SFT2D2: variants seen among roughly 807,000 people sequenced by gnomAD.
SFT2D2 encodes the protein SFT2 domain containing 2, also known as vesicle transport protein SFT2B.
A neutral mutation model predicts 27.4 loss-of-function variants in SFT2D2; 21 were observed. That is an observed-to-expected ratio of 0.77 (90% CI 0.54 to 1.10). The LOEUF (loss-of-function observed/expected upper bound fraction) is 1.10, where lower values mean the gene tolerates loss of function less well. Among genes scored for constraint, SFT2D2 ranks in the 50% least tolerant of loss-of-function variants. SFT2D2 has a pLI of 0.00. For synonymous variants in SFT2D2, 72 were observed against 71.7 expected (o/e 1.00, Z -0.02); for missense variants, 187 against 194.2 (o/e 0.96, Z 0.22).
chr1:168,239,004 A>G, intron 6 of SFT2D2, 127 bp from the exon 7 acceptor site: 1 of 736,770 alleles, frequency 1.4e-6, no homozygotes, highest in East Asian at 2.5e-5. Flanking sequence ...CTCATCCCCC[A>G]GGCTGAGTAT....
At position 168,231,911 on chromosome 1, in the gene SFT2D2, A is replaced by G; in HGVS notation, c.228A>G (p.Ser76=). 2 of 1,614,034 alleles carry G rather than the reference A, an allele frequency of 1.2e-6. No individual in the cohort carries two copies. The highest frequency in any genetic ancestry group is 2.7e-5 in the African/African-American group (2 of 75,014). Residue 76 remains serine (S), a synonymous_variant, in exon 3 of 8, where the codon TCA becomes TCG. Transcript: ENST00000271375. Reference sequence around the variant, plus strand: ...TTTATACCTTTGGTAATATCGCATCAATTGGGAGGTAACTGTTTTTTAAAA... The same window carrying G: ...TTTATACCTTTGGTAATATCGCATCGATTGGGAGGTAACTGTTTTTTAAAA... ...AVFYTFGNIA[S]IGSTIFLMGP... is the part of the protein sequence containing the mutation.
At chr1:168,235,073 G>A (rs757275854) in intron 3 of SFT2D2, 28 bp from the exon 4 acceptor site, 21 of 1,607,918 alleles carry the variant, frequency 1.3e-5, no homozygotes, top group East Asian at 2.2e-5. Flanking sequence ...TGTTCTGAAC[G>A]GCTTGTGTGC....
chr1:168,227,684 G>T (rs1310453824), intron 1 of SFT2D2, among the ~76,000 whole-genome samples: 1 of 151,984 alleles, frequency 6.6e-6, no homozygotes, highest in South Asian at 2.1e-4. Context: ...CCTCAGACCG[G>T]GCCTAAGAAA....
At chr1:168,229,108 C>T (rs565968208) in intron 1 of SFT2D2, among the ~76,000 whole-genome samples, 159 of 152,274 alleles carry the variant, frequency 1.0e-3, no homozygotes, top group Non-Finnish European at 1.8e-3. Flanking sequence ...TGGATGGATT[C>T]AGCTTGAGAG....
At chr1:168,240,079 G>T (rs1647608759) in intron 7 of SFT2D2, among the ~76,000 whole-genome samples, 2 of 151,554 alleles carry the variant, frequency 1.3e-5, no homozygotes, top group South Asian at 4.2e-4. Context: ...GGAGGCTGAG[G>T]CAGGAGAATG....
Position 168,252,624 on chromosome 1 carries a change from T to A in SFT2D2, c.*10084T>A, listed in dbSNP as rs891186320. The A allele has an allele frequency of 1.3e-5, 2 of 152,200 alleles. No homozygotes were observed. The highest frequency in any genetic ancestry group is 4.8e-5 in the African/African-American group (2 of 41,452). 9.4% of individuals were successfully genotyped at this position (152,200 alleles called of 1,614,324 possible). A position where few individuals can be genotyped will look rare whatever the true frequency, so the allele number is the denominator to read the frequency against. On this transcript the variant is annotated 3_prime_UTR_variant, in exon 8 of 8. Transcript: ENST00000271375. The stretch of plus-strand genomic sequence containing the variant: ...AAAAAAATAGCCCTCTGAACTCTGA[T>A]CTTTTGCCGCTTCTGTAGATTTTGA...
Position 168,247,496 on chromosome 1 carries a change from A to G in SFT2D2, c.*4956A>G, listed in dbSNP as rs569105371. 26 of 155,910 alleles carry G rather than the reference A, an allele frequency of 1.7e-4. 1 individual carries two copies. In the South Asian group the frequency reaches 5.1e-3, roughly 31 times the overall value. 9.7% of individuals were successfully genotyped at this position (155,910 alleles called of 1,614,324 possible). ...CTTCATCCATGTCCCTACAAAGGAC[A>G]TGAACTCATCCTTTTTTTATGGCTG... On this transcript the variant is annotated 3_prime_UTR_variant, in exon 8 of 8. Transcript: ENST00000271375.
At chr1:168,241,412 C>G (rs980546618) in intron 7 of SFT2D2, among the ~76,000 whole-genome samples, 2 of 151,720 alleles carry the variant, frequency 1.3e-5, no homozygotes, top group Non-Finnish European at 2.9e-5. Flanking sequence ...AGGCTGGTCT[C>G]GAACTCCTGA....
At chr1:168,236,443 C>G in intron 4 of SFT2D2, 146 bp from the exon 5 acceptor site, 1 of 679,776 alleles carries the variant, frequency 1.5e-6, no homozygotes. Context: ...TTTAACTATT[C>G]TGCCAAATAT....
In SFT2D2 at chr1:168,252,605, A is replaced by AG. The variant is rs933171196; in HGVS notation, c.*10065_*10066insG. The AG allele has an allele frequency of 1.3e-5, 2 of 152,252 alleles. No homozygotes were observed. Among genetic ancestry groups the AG allele is most frequent in the Non-Finnish European group, 2.9e-5 (2 of 68,026 alleles). 9.4% of individuals were successfully genotyped at this position (152,252 alleles called of 1,614,324 possible). A position where few individuals can be genotyped will look rare whatever the true frequency, so the allele number is the denominator to read the frequency against. On this transcript the variant is annotated 3_prime_UTR_variant, in exon 8 of 8. Coordinates refer to ENST00000271375, the MANE Select transcript of SFT2D2 (RefSeq NM_199344.3). ...TTAAGTAAGGAAAGGGAAAAAAAAA[A>AG]TAGCCCTCTGAACTCTGATCTTTTG... is the stretch of plus-strand genomic sequence containing the variant.
In SFT2D2 at chr1:168,244,003, A is replaced by G. The variant is rs558345321; in HGVS notation, c.*1463A>G. The G allele has an allele frequency of 7.2e-5, 11 of 152,352 alleles. No homozygotes were observed. Among genetic ancestry groups the G allele is most frequent in the Non-Finnish European group, 1.2e-4 (8 of 68,102 alleles). The allele number at this position is 152,352 out of a possible 1,614,324, so 9.4% of individuals were successfully genotyped here. The stretch of plus-strand genomic sequence containing the variant: ...TCCAGGACCTCCAGAGTCATCCTAC[A>G]AATGACGTTTATCTGGATTGCCTTT... On this transcript the variant is annotated 3_prime_UTR_variant, in exon 8 of 8. Coordinates refer to ENST00000271375, the MANE Select transcript of SFT2D2 (RefSeq NM_199344.3).
At chr1:168,236,172 A>G (rs1010143041) in intron 4 of SFT2D2, among the ~76,000 whole-genome samples, 1 of 152,220 alleles carries the variant, frequency 6.6e-6, no homozygotes, top group African/African-American at 2.4e-5. Context: ...TGGCATGCTG[A>G]CTGTGAGATT....
At position 168,244,298 on chromosome 1, in the gene SFT2D2, C is replaced by T. The variant is rs879258031; in HGVS notation, c.*1758C>T. ...GTTCAAGCAATTCTCCTGCCTCAGC[C>T]TTCCAAGTAGCTGGGATTACAGGTG... On this transcript the variant is annotated 3_prime_UTR_variant, in exon 8 of 8. Transcript: ENST00000271375. 2 of 152,464 alleles carry T rather than the reference C, an allele frequency of 1.3e-5. No homozygotes were observed. The highest frequency in any genetic ancestry group is 6.5e-5 in the Admixed American group (1 of 15,274). The allele number at this position is 152,464 out of a possible 1,614,324, so 9.4% of individuals were successfully genotyped here.
Position 168,245,393 on chromosome 1 carries a change from G to A in SFT2D2, c.*2853G>A, listed in dbSNP as rs933198317. The A allele has an allele frequency of 2.0e-5, 3 of 151,996 alleles. No individual in the cohort carries two copies. The highest frequency in any genetic ancestry group is 7.3e-5 in the African/African-American group (3 of 41,378). The allele number at this position is 151,996 out of a possible 1,614,324, so 9.4% of individuals were successfully genotyped here. On this transcript the variant is annotated 3_prime_UTR_variant, in exon 8 of 8. Transcript: ENST00000271375. ...ATATAAAATTCTTGGGAATAAACCC[G>A]ACAAACTATGTGGATTATCTGTACA...
intron 1 of SFT2D2, among the ~76,000 whole-genome samples, chr1:168,229,289 G>A (rs1259083501): frequency 1.3e-5 from 2 of 152,188 alleles, no homozygotes; most frequent in Non-Finnish European, 2.9e-5. Context: ...GCTCGATCTC[G>A]GCTCACTGCA....
rs997403941 is a variant in SFT2D2, at chr1:168,246,514, G to A, written c.*3974G>A. ...AGCCTCTCTTGTGTTATGGAGCTCA[G>A]TTTTGAGGCACCTGGACTTACTCTC... On this transcript the variant is annotated 3_prime_UTR_variant, in exon 8 of 8. Transcript: ENST00000271375. 2.0e-6 allele frequency: 3 copies of A among 1,478,542 alleles called. No homozygotes were observed. In the African/African-American group the frequency reaches 4.2e-5, roughly 21 times the overall value. The allele number at this position is 1,478,542 out of a possible 1,614,324, so 91.6% of individuals were successfully genotyped here.
chr1:168,237,548 A>G (rs564798725), intron 6 of SFT2D2, among the ~76,000 whole-genome samples: 6 of 152,338 alleles, frequency 3.9e-5, no homozygotes, highest in African/African-American at 1.4e-4. Flanking sequence ...GGTATCTGCC[A>G]GAACAGTTTC....
In SFT2D2 at chr1:168,250,328, G is replaced by A. The variant is rs1350726261; in HGVS notation, c.*7788G>A. 1 of 152,222 alleles carries A rather than the reference G, an allele frequency of 6.6e-6. No homozygotes were observed. Among genetic ancestry groups the A allele is most frequent in the East Asian group, 1.9e-4 (1 of 5,204 alleles). 9.4% of individuals were successfully genotyped at this position (152,222 alleles called of 1,614,324 possible). A position where few individuals can be genotyped will look rare whatever the true frequency, so the allele number is the denominator to read the frequency against. On this transcript the variant is annotated 3_prime_UTR_variant, in exon 8 of 8. Transcript: ENST00000271375. ...TGCTGAAACCTGTTACCAAGCAACAGCAGTGATTAAAAGCAACCTGATGAG... is the reference window on the plus strand; with the variant it reads ...TGCTGAAACCTGTTACCAAGCAACAACAGTGATTAAAAGCAACCTGATGAG...
rs1456056383 is a variant in SFT2D2 at position 168,246,435 on chromosome 1, C to T, written c.*3895C>T. The T allele has an allele frequency of 1.6e-5, 17 of 1,079,636 alleles. No individual in the cohort carries two copies. The highest frequency in any genetic ancestry group is 1.2e-4 in the South Asian group (8 of 65,644). The allele number at this position is 1,079,636 out of a possible 1,614,324, so 66.9% of individuals were successfully genotyped here. ...TTTTTCAATGTCCTTCATTTGACAC[C>T]GTTTGGTTTAGCTCTCTTTGTATGT... On this transcript the variant is annotated 3_prime_UTR_variant, in exon 8 of 8. Coordinates refer to ENST00000271375, the MANE Select transcript of SFT2D2 (RefSeq NM_199344.3).
Sources: allele counts gnomAD v4.1 joint callset (sites outside exome capture counted in the v4.1 genomes callset), GRCh38; gene constraint gnomAD v4.1.1; transcripts MANE v1.5; gene names NCBI Gene and HGNC (gene_info 2026-07-23, HGNC 2026-07-21).